The following ADGRL3 variants were observed in gnomAD, a reference collection of about 807,000 sequenced individuals.
ADGRL3 encodes the protein adhesion G protein-coupled receptor L3.
Under a neutral mutation model 153.5 loss-of-function variants are expected in ADGRL3, and 62 were observed. That is an observed-to-expected ratio of 0.40 (90% CI 0.33 to 0.50). ADGRL3 has a LOEUF of 0.50. Ranked by LOEUF, ADGRL3 falls within the 20% of genes least tolerant of loss-of-function variation. The pLI is 0.47. For missense variants in ADGRL3, 1,641 were observed against 1,859.4 expected (o/e 0.88, Z 2.16); for synonymous variants, 710 against 672.5 (o/e 1.06, Z -0.86).
At chr4:61,400,415 A>G (rs989288084) in intron 2 of ADGRL3, among the ~76,000 whole-genome samples, 10 of 151,850 alleles carry the variant, frequency 6.6e-5, no homozygotes, top group African/African-American at 2.4e-4. Context: ...AAGAAAAGCG[A>G]TGTACTTTTT....
At chr4:62,042,868 C>T (rs898982640) in intron 24 of ADGRL3, among the ~76,000 whole-genome samples, 1 of 151,960 alleles carries the variant, frequency 6.6e-6, no homozygotes, top group African/African-American at 2.4e-5. Flanking sequence ...CTGAGAATAC[C>T]TTGGAAACCC....
Position 61,713,868 on chromosome 4 carries a change from G to T in ADGRL3, c.584-16754G>T, listed in dbSNP as rs540304771. 3.3e-5 allele frequency among the ~76,000 whole-genome samples: 5 copies of T among 152,138 alleles called. No homozygotes were observed. In the East Asian group the frequency reaches 5.8e-4, roughly 18 times the overall value. ...TATCACAAAATGAAGTAGGAGAAAA[G>T]AATTATTACTTTGGTTCAAGTCCCA... On this transcript the variant is annotated intron_variant, in intron 6 of 26. Coordinates refer to ENST00000683033, the MANE Select transcript of ADGRL3 (RefSeq NM_001387552.1).
intron 6 of ADGRL3, among the ~76,000 whole-genome samples, chr4:61,714,221 G>GCACACACACACACACACACACACACACA (rs57350284): frequency 1.4e-3 from 204 of 150,842 alleles, no homozygotes; most frequent in African/African-American, 4.9e-3. Flanking sequence ...TGTAAAATAC[G>GCACACACACACACACACACACACACACA]CACACACACA....
Position 62,070,375 on chromosome 4 carries a change from C to T in ADGRL3, c.4099C>T (p.Leu1367Phe), listed in dbSNP as rs562476045. ...RNLMNKLVNNLGSGREDDAIV... is the reference protein window; with the variant it reads ...RNLMNKLVNNFGSGREDDAIV... The stretch of plus-strand genomic sequence containing the variant: ...TCTGATGAACAAGCTGGTGAATAAC[C>T]TTGGCAGTGGAAGGGAAGATGATGC... The change falls in exon 27 of 27, where the codon CTT (leucine) becomes TTT (phenylalanine). Residue 1367 changes from leucine (L) to phenylalanine (F), a missense_variant. Leu to Phe is a conservative substitution (Grantham distance 22). Coordinates refer to ENST00000683033, the MANE Select transcript of ADGRL3 (RefSeq NM_001387552.1). The T allele has an allele frequency of 5.4e-5, 84 of 1,552,154 alleles. No homozygotes were observed. The African/African-American group carries it at 9.6e-4, about 18-fold the overall frequency.
intron 2 of ADGRL3, among the ~76,000 whole-genome samples, chr4:61,441,141 C>CT (rs1007681055): frequency 6.6e-6 from 1 of 152,226 alleles, no homozygotes; most frequent in Admixed American, 6.5e-5. Context: ...TATTTATTAT[C>CT]TTTTTCTTTC....
At chr4:61,979,844 A>G in intron 18 of ADGRL3, 72 bp downstream of exon 18, 3 of 1,224,404 alleles carry the variant, frequency 2.5e-6, no homozygotes, top group Non-Finnish European at 3.5e-6. Context: ...AATACTAAAA[A>G]TACTTATGTT....
chr4:61,666,479 C>T lies in ADGRL3; in HGVS notation c.474-10347C>T, dbSNP rs187120460. ...ATGCGGAGAGGACATTTTTGTTGCT[C>T]AGAAAAGAAAAGAATGCCTTACAGC... is the stretch of plus-strand genomic sequence containing the variant. On this transcript the variant is annotated intron_variant, in intron 5 of 26. Coordinates refer to ENST00000683033, the MANE Select transcript of ADGRL3 (RefSeq NM_001387552.1). Among the ~76,000 whole-genome samples, 4 of 142,620 alleles carry T rather than the reference C, an allele frequency of 2.8e-5. No individual in the cohort carries two copies. In the Admixed American group the frequency reaches 2.9e-4, roughly 10 times the overall value. 93.6% of individuals were successfully genotyped at this position (142,620 alleles called of 152,430 possible).
intron 5 of ADGRL3, among the ~76,000 whole-genome samples, chr4:61,652,721 C>T (rs924247944): frequency 4.6e-5 from 7 of 152,170 alleles, no homozygotes; most frequent in Admixed American, 6.5e-5. Context: ...CCCTGAACTA[C>T]AACATTTATA....
intron 8 of ADGRL3, among the ~76,000 whole-genome samples, chr4:61,743,825 G>T (rs4339245): frequency 8.6e-5 from 13 of 151,990 alleles, no homozygotes; most frequent in East Asian, 1.9e-4. Context: ...CTGAGGTACC[G>T]GGTTCATCTC....
intron 1 of ADGRL3, among the ~76,000 whole-genome samples, chr4:61,270,048 AC>A (rs1466770942): frequency 6.6e-6 from 1 of 151,732 alleles, no homozygotes; most frequent in East Asian, 1.9e-4. Flanking sequence ...TATATAAAAA[AC>A]AATACTTGTT....
intron 1 of ADGRL3, among the ~76,000 whole-genome samples, chr4:61,215,614 C>T (rs1241978884): frequency 7.4e-6 from 1 of 135,892 alleles, no homozygotes; most frequent in Non-Finnish European, 1.5e-5. Flanking sequence ...TGCAGTGGCC[C>T]GATCTCGGCT....
In ADGRL3 at chr4:61,278,076, G is replaced by C. The variant is rs572770272; in HGVS notation, c.-240+76311G>C. Among the ~76,000 whole-genome samples the C allele has an allele frequency of 7.2e-5, 11 of 152,120 alleles. No homozygotes were observed. In the East Asian group the frequency reaches 1.9e-3, roughly 27 times the overall value. On this transcript the variant is annotated intron_variant, in intron 1 of 26. Transcript: ENST00000683033. Reference sequence around the variant, plus strand: ...AAGAGAACAGATTAAAGTAAAATTGGGTAATGTTTCCCCTGGATCTTGATA... The same window carrying C: ...AAGAGAACAGATTAAAGTAAAATTGCGTAATGTTTCCCCTGGATCTTGATA...
At chr4:61,492,991 C>A (rs551233979) in intron 2 of ADGRL3, among the ~76,000 whole-genome samples, 4 of 152,050 alleles carry the variant, frequency 2.6e-5, no homozygotes, top group African/African-American at 9.6e-5. Flanking sequence ...AGACAGATAA[C>A]CACTAAGATT....
At chr4:61,579,614 C>T in intron 4 of ADGRL3, 1 of 514,062 alleles carries the variant, frequency 1.9e-6, no homozygotes, top group Non-Finnish European at 3.9e-6. Flanking sequence ...TGATGAAGCT[C>T]CGTAAGTCAA....
chr4:61,598,213 A>ATACTCATT (rs2098997156), intron 5 of ADGRL3, among the ~76,000 whole-genome samples: 1 of 152,164 alleles, frequency 6.6e-6, no homozygotes, highest in African/African-American at 2.4e-5. Context: ...TTTTTCATGG[A>ATACTCATT]AAGGCATAGA....
chr4:61,686,290 T>C (rs2095441627), intron 6 of ADGRL3, among the ~76,000 whole-genome samples: 1 of 152,104 alleles, frequency 6.6e-6, no homozygotes, highest in Non-Finnish European at 1.5e-5. Flanking sequence ...CATCCCAAAG[T>C]ATTTGTTGCT....
chr4:61,614,532 A>C (rs1041368226), intron 5 of ADGRL3, among the ~76,000 whole-genome samples: 3 of 152,174 alleles, frequency 2.0e-5, no homozygotes, highest in African/African-American at 7.2e-5. Context: ...GCCACACTAG[A>C]TTTAAAGCAA....
At chr4:61,642,332 T>C (rs2093720058) in intron 5 of ADGRL3, among the ~76,000 whole-genome samples, 1 of 152,230 alleles carries the variant, frequency 6.6e-6, no homozygotes, top group African/African-American at 2.4e-5. Flanking sequence ...TTGCCATTGC[T>C]TTTGGTGTTT....
At chr4:61,476,624 G>A (rs945085413) in intron 2 of ADGRL3, among the ~76,000 whole-genome samples, 4 of 140,552 alleles carry the variant, frequency 2.8e-5, no homozygotes, top group Non-Finnish European at 4.5e-5. Context: ...CAAGAGAATC[G>A]CTTGAACCTG....
Sources: gnomAD v4.1 joint callset for allele counts (sites outside exome capture counted in the v4.1 genomes callset) on GRCh38, gnomAD v4.1.1 for gene constraint, MANE v1.5 for transcripts, NCBI Gene and HGNC (gene_info 2026-07-23, HGNC 2026-07-21) for gene names.